The following ENTREP2 variants were observed in gnomAD, a reference collection of about 807,000 sequenced individuals.
The protein encoded by ENTREP2 is protein ENTREP2.
At chr15:29,197,939 C>G in the ENTREP2 span, among the ~76,000 whole-genome samples, 1 of 152,068 alleles carries the variant, frequency 6.6e-6, no homozygotes, top group Non-Finnish European at 1.5e-5. Flanking sequence ...CATTTATAAC[C>G]ATAACAAATA....
At chr15:29,428,798 C>T in the ENTREP2 span, among the ~76,000 whole-genome samples, 31 of 152,058 alleles carry the variant, frequency 2.0e-4, no homozygotes, top group African/African-American at 7.2e-4. Flanking sequence ...ATTTAGAAAC[C>T]AGGAAATACA....
At chr15:29,434,815 A>G in the ENTREP2 span, among the ~76,000 whole-genome samples, 4 of 152,146 alleles carry the variant, frequency 2.6e-5, no homozygotes, top group Non-Finnish European at 2.9e-5. Context: ...TAGACGGTGA[A>G]AAAAGTCTTG....
At chr15:29,415,616 TC>T in the ENTREP2 span, among the ~76,000 whole-genome samples, 9 of 152,044 alleles carry the variant, frequency 5.9e-5, no homozygotes, top group Admixed American at 3.3e-4. Flanking sequence ...CTCTCACCAC[TC>T]CTATTCAACA....
At chr15:29,545,041 G>T in the ENTREP2 span, among the ~76,000 whole-genome samples, 2 of 152,204 alleles carry the variant, frequency 1.3e-5, no homozygotes, top group African/African-American at 4.8e-5. Context: ...GTGGACAGAA[G>T]GTTGCCTTCC....
chr15:29,251,880 G>C, the ENTREP2 span, among the ~76,000 whole-genome samples: 1 of 151,822 alleles, frequency 6.6e-6, no homozygotes, highest in African/African-American at 2.4e-5. Context: ...AATGTACATA[G>C]CACACTGTCT....
the ENTREP2 span, among the ~76,000 whole-genome samples, chr15:29,647,415 TAAG>T: frequency 6.6e-6 from 1 of 152,178 alleles, no homozygotes; most frequent in Non-Finnish European, 1.5e-5. Flanking sequence ...GTTCAAGACT[TAAG>T]AAACATTCCT....
the ENTREP2 span, among the ~76,000 whole-genome samples, chr15:29,294,014 C>G: frequency 2.0e-5 from 3 of 152,158 alleles, no homozygotes; most frequent in African/African-American, 7.2e-5. Flanking sequence ...ACCTCCACCC[C>G]CCATGTCACT....
the ENTREP2 span, among the ~76,000 whole-genome samples, chr15:29,656,161 T>C: frequency 2.0e-5 from 3 of 151,822 alleles, no homozygotes; most frequent in Non-Finnish European, 2.9e-5. Flanking sequence ...GAATTTTTCA[T>C]ATAAACAAAA....
At chr15:29,661,747 T>C in the ENTREP2 span, among the ~76,000 whole-genome samples, 1 of 152,178 alleles carries the variant, frequency 6.6e-6, no homozygotes, top group African/African-American at 2.4e-5. Flanking sequence ...CACTTCATTA[T>C]TACTGTTTAC....
At chr15:29,357,709 G>A in the ENTREP2 span, among the ~76,000 whole-genome samples, 1,489 of 152,152 alleles carry the variant, frequency 9.8e-3, 40 homozygotes, top group African/African-American at 0.034. Flanking sequence ...CGTGGTGGCG[G>A]GCGCCTGTAG....
the ENTREP2 span, among the ~76,000 whole-genome samples, chr15:29,464,712 T>C: frequency 0.024 from 3,716 of 152,144 alleles, 155 homozygotes; most frequent in African/African-American, 0.083. Context: ...GAGGAGGCGA[T>C]GTGGAGGGGC....
At chr15:29,273,133 G>T in the ENTREP2 span, among the ~76,000 whole-genome samples, 1 of 152,012 alleles carries the variant, frequency 6.6e-6, no homozygotes, top group African/African-American at 2.4e-5. Flanking sequence ...TCAGCTGGAG[G>T]GCTTAAGATT....
the ENTREP2 span, among the ~76,000 whole-genome samples, chr15:29,446,497 C>T: frequency 6.6e-6 from 1 of 152,172 alleles, no homozygotes; most frequent in Non-Finnish European, 1.5e-5. Flanking sequence ...TGAGACAATA[C>T]GCACAGAGCA....
At chr15:29,236,343 T>C in the ENTREP2 span, among the ~76,000 whole-genome samples, 1 of 152,254 alleles carries the variant, frequency 6.6e-6, no homozygotes, top group Non-Finnish European at 1.5e-5. Context: ...AATAGCCCTG[T>C]AACCATTAAG....
the ENTREP2 span, among the ~76,000 whole-genome samples, chr15:29,496,810 G>T: frequency 1.3e-5 from 2 of 152,052 alleles, no homozygotes; most frequent in South Asian, 2.1e-4. Flanking sequence ...CTAGTATTGT[G>T]CTAAAGATTT....
the ENTREP2 span, among the ~76,000 whole-genome samples, chr15:29,515,921 T>C: frequency 6.6e-6 from 1 of 152,132 alleles, no homozygotes; most frequent in Admixed American, 6.6e-5. Flanking sequence ...CTTGTGACCA[T>C]TAAGCCCTTG....
chr15:29,223,975 C>A, the ENTREP2 span, among the ~76,000 whole-genome samples: 1,116 of 152,336 alleles, frequency 7.3e-3, 10 homozygotes, highest in African/African-American at 0.025. Context: ...AGCTCCACCT[C>A]TGTACTCAGA....
At chr15:29,551,816 A>C in the ENTREP2 span, among the ~76,000 whole-genome samples, 1 of 152,182 alleles carries the variant, frequency 6.6e-6, no homozygotes, top group Non-Finnish European at 1.5e-5. Context: ...GAAGCAAGGG[A>C]GAAGCAAGTA....
At chr15:29,515,207 A>G in the ENTREP2 span, among the ~76,000 whole-genome samples, 1 of 152,204 alleles carries the variant, frequency 6.6e-6, no homozygotes, top group South Asian at 2.1e-4. Flanking sequence ...GACAGTGCAG[A>G]GCAGCCAGAG....
Sources: allele counts gnomAD v4.1 joint callset (sites outside exome capture counted in the v4.1 genomes callset), GRCh38; gene constraint gnomAD v4.1.1; transcripts MANE v1.5; gene names NCBI Gene and HGNC (gene_info 2026-07-23, HGNC 2026-07-21).